The following GREM1 variants were observed in gnomAD, a reference collection of about 807,000 sequenced individuals.
GREM1 encodes the protein gremlin-1.
In GREM1, 6 loss-of-function variants were observed where a neutral mutation model predicts 13.1. That is an observed-to-expected ratio of 0.46 (90% confidence interval 0.25 to 0.91). The LOEUF is 0.91. Ranked by LOEUF, GREM1 falls within the 40% of genes least tolerant of loss-of-function variation. The pLI, the probability that GREM1 is intolerant of heterozygous loss-of-function variation, is 0.18. For missense variants in GREM1, 185 were observed against 233.9 expected, an observed-to-expected ratio of 0.79 and a Z score of 1.36; for synonymous variants, 98 against 93.7, an observed-to-expected ratio of 1.05 and a Z score of -0.27.
Position 32,741,969 on chromosome 15 carries a change from C to T in GREM1, c.*10724C>T, listed in dbSNP as rs2055765398. On this transcript the variant is annotated 3_prime_UTR_variant, in exon 2 of 2. Transcript: ENST00000651154. ...ATCCTTTATTCTGTTAATGGATTAT[C>T]ACATTAACTAATTTTCATATCTTGA... The T allele has an allele frequency of 6.6e-6, 1 of 152,084 alleles. No individual in the cohort carries two copies. The highest frequency in any genetic ancestry group is 1.5e-5 in the Non-Finnish European group (1 of 67,980). The allele number at this position is 152,084 out of a possible 1,614,324, so 9.4% of individuals were successfully genotyped here.
At chr15:32,721,415 A>G (rs1049418604) in intron 1 of GREM1, among the ~76,000 whole-genome samples, 3 of 152,200 alleles carry the variant, frequency 2.0e-5, no homozygotes, top group Non-Finnish European at 2.9e-5. Context: ...AAAAGTAGCA[A>G]TGTTATACAG....
In GREM1 at chr15:32,733,948, T is replaced by C. The variant is rs969923679; in HGVS notation, c.*2703T>C. ...ATCTGGAGGAGAGGATAATTTCCAC[T>C]GTGTGGAATGTGAATAGTTAAATGA... On this transcript the variant is annotated 3_prime_UTR_variant, in exon 2 of 2. Transcript: ENST00000651154. 4.2e-6 allele frequency: 1 copy of C among 240,850 alleles called. No individual in the cohort carries two copies. Among genetic ancestry groups the C allele is most frequent in the Non-Finnish European group, 8.8e-6 (1 of 113,598 alleles). The allele number at this position is 240,850 out of a possible 1,614,324, so 14.9% of individuals were successfully genotyped here.
Position 32,740,628 on chromosome 15 carries a change from T to C in GREM1, c.*9383T>C, listed in dbSNP as rs1338626642. 6.6e-6 allele frequency: 1 copy of C among 152,178 alleles called. No homozygotes were observed. Among genetic ancestry groups the C allele is most frequent in the South Asian group, 2.1e-4 (1 of 4,832 alleles). 9.4% of individuals were successfully genotyped at this position (152,178 alleles called of 1,614,324 possible). ...ATCAAGCTGAACAATATACTCATTA[T>C]TGGCATCACAGAATAAAAGAGAGAA... On this transcript the variant is annotated 3_prime_UTR_variant, in exon 2 of 2. Transcript: ENST00000651154.
chr15:32,725,021 T>A (rs143661834), intron 1 of GREM1, among the ~76,000 whole-genome samples: 69 of 143,818 alleles, frequency 4.8e-4, no homozygotes, highest in African/African-American at 1.7e-3. Flanking sequence ...CCACATTTGC[T>A]TTATCCAGTC....
In GREM1 at chr15:32,718,178, C is replaced by A. The variant is rs1292615947; in HGVS notation, c.-2+17C>A. 1.5e-6 allele frequency: 2 copies of A among 1,337,974 alleles called. No individual in the cohort carries two copies. The highest frequency in any genetic ancestry group is 2.0e-6 in the Non-Finnish European group (2 of 1,016,262). 82.9% of individuals were successfully genotyped at this position (1,337,974 alleles called of 1,614,324 possible). On this transcript the variant is annotated intron_variant, in intron 1 of 1. Coordinates refer to ENST00000651154, the MANE Select transcript of GREM1 (RefSeq NM_013372.7). Reference sequence around the variant, plus strand: ...CACTGACAGGTGAGCGCGGACGCACCCGGCAGGGATGTGAGTGGGCGGAGG... The same window carrying A: ...CACTGACAGGTGAGCGCGGACGCACACGGCAGGGATGTGAGTGGGCGGAGG...
intron 1 of GREM1, among the ~76,000 whole-genome samples, chr15:32,719,366 G>A (rs2055364937): frequency 6.6e-6 from 1 of 152,214 alleles, no homozygotes; most frequent in African/African-American, 2.4e-5. Flanking sequence ...CGGGCCAGGC[G>A]GGGAGGGACG....
intron 1 of GREM1, chr15:32,718,678 A>G: frequency 2.8e-6 from 1 of 357,840 alleles, no homozygotes; most frequent in South Asian, 2.1e-5. Flanking sequence ...AGAATCCATG[A>G]TGTGTGCATT....
intron 1 of GREM1, among the ~76,000 whole-genome samples, chr15:32,720,523 G>A (rs1325218113): frequency 6.6e-6 from 1 of 152,158 alleles, no homozygotes; most frequent in African/African-American, 2.4e-5. Flanking sequence ...AAAGGCAGGT[G>A]GGGGACAGTG....
rs1295631438 is a variant in GREM1, at chr15:32,736,649, A to G, written c.*5404A>G. ...GAAATCCGTGTACAACTATTAGATGACTACTAACCAAGCAGAGACTTCAGT... is the reference window on the plus strand; with the variant it reads ...GAAATCCGTGTACAACTATTAGATGGCTACTAACCAAGCAGAGACTTCAGT... On this transcript the variant is annotated 3_prime_UTR_variant, in exon 2 of 2. Coordinates refer to ENST00000651154, the MANE Select transcript of GREM1 (RefSeq NM_013372.7). 6.6e-6 allele frequency: 1 copy of G among 152,182 alleles called. No individual in the cohort carries two copies. The highest frequency in any genetic ancestry group is 1.5e-5 in the Non-Finnish European group (1 of 68,038). The allele number at this position is 152,182 out of a possible 1,614,324, so 9.4% of individuals were successfully genotyped here. A position where few individuals can be genotyped will look rare whatever the true frequency, so the allele number is the denominator to read the frequency against.
In GREM1 at chr15:32,735,921, T is replaced by A. The variant is rs1232896599; in HGVS notation, c.*4676T>A. 1 of 152,166 alleles carries A rather than the reference T, an allele frequency of 6.6e-6. No individual in the cohort carries two copies. 9.4% of individuals were successfully genotyped at this position (152,166 alleles called of 1,614,324 possible). A position where few individuals can be genotyped will look rare whatever the true frequency, so the allele number is the denominator to read the frequency against. On this transcript the variant is annotated 3_prime_UTR_variant, in exon 2 of 2. Coordinates refer to ENST00000651154, the MANE Select transcript of GREM1 (RefSeq NM_013372.7). ...TATAGCTCTGGAAATTAACTGAAGA[T>A]GTATAGCAATTTGCAGAGCATTTAT... is the stretch of plus-strand genomic sequence containing the variant.
At chr15:32,728,305 A>G (rs1210608808) in intron 1 of GREM1, among the ~76,000 whole-genome samples, 2 of 152,156 alleles carry the variant, frequency 1.3e-5, no homozygotes, top group Non-Finnish European at 2.9e-5. Flanking sequence ...AAGACAAAGT[A>G]AAGTAATTTT....
intron 1 of GREM1, 133 bp from the exon 2 acceptor site, chr15:32,730,557 T>C (rs2055597358): frequency 3.1e-6 from 2 of 645,022 alleles, no homozygotes; most frequent in Non-Finnish European, 5.3e-6. Flanking sequence ...ATACAGGTAC[T>C]GTGAGAAGTA....
At chr15:32,720,923 A>G (rs1028112915) in intron 1 of GREM1, among the ~76,000 whole-genome samples, 8 of 152,120 alleles carry the variant, frequency 5.3e-5, no homozygotes, top group Non-Finnish European at 1.2e-4. Context: ...TTGGGAGGCC[A>G]AGGAGGACGG....
In GREM1 at chr15:32,733,959, T is replaced by C; in HGVS notation, c.*2714T>C. ...AGGATAATTTCCACTGTGTGGAATG[T>C]GAATAGTTAAATGAAAAGTTATGGT... On this transcript the variant is annotated 3_prime_UTR_variant, in exon 2 of 2. Coordinates refer to ENST00000651154, the MANE Select transcript of GREM1 (RefSeq NM_013372.7). 1 of 241,310 alleles carries C rather than the reference T, an allele frequency of 4.1e-6. No individual in the cohort carries two copies. Among genetic ancestry groups the C allele is most frequent in the East Asian group, 6.4e-5 (1 of 15,596 alleles). The allele number at this position is 241,310 out of a possible 1,614,324, so 14.9% of individuals were successfully genotyped here.
intron 1 of GREM1, among the ~76,000 whole-genome samples, chr15:32,727,622 T>C (rs2055536218): frequency 6.6e-6 from 1 of 152,124 alleles, no homozygotes; most frequent in Admixed American, 6.5e-5. Context: ...TTCAACATAC[T>C]ATTGGAAGTT....
chr15:32,734,832 T>C lies in GREM1; in HGVS notation c.*3587T>C, dbSNP rs1424733462. ...CCTTTCAGACCCTGCTTGATTTCCGTAGGACACTTCAGGTTGTGGCAAGGG... is the reference window on the plus strand; with the variant it reads ...CCTTTCAGACCCTGCTTGATTTCCGCAGGACACTTCAGGTTGTGGCAAGGG... On this transcript the variant is annotated 3_prime_UTR_variant, in exon 2 of 2. Transcript: ENST00000651154. 5.5e-6 allele frequency: 1 copy of C among 180,334 alleles called. No homozygotes were observed. The highest frequency in any genetic ancestry group is 2.4e-5 in the African/African-American group (1 of 42,396). 11.2% of individuals were successfully genotyped at this position (180,334 alleles called of 1,614,324 possible). A position where few individuals can be genotyped will look rare whatever the true frequency, so the allele number is the denominator to read the frequency against.
rs1000651642 is a variant in GREM1 at position 32,735,400 on chromosome 15, C to T, written c.*4155C>T. The stretch of plus-strand genomic sequence containing the variant: ...AGGTACCATTATCACTGCTAGAAAG[C>T]AGTGAACTTATATGGTCTTACTGTG... On this transcript the variant is annotated 3_prime_UTR_variant, in exon 2 of 2. Coordinates refer to ENST00000651154, the MANE Select transcript of GREM1 (RefSeq NM_013372.7). The T allele has an allele frequency of 6.6e-6, 1 of 152,162 alleles. No homozygotes were observed. Among genetic ancestry groups the T allele is most frequent in the Non-Finnish European group, 1.5e-5 (1 of 68,022 alleles). 9.4% of individuals were successfully genotyped at this position (152,162 alleles called of 1,614,324 possible).
chr15:32,735,506 A>G lies in GREM1; in HGVS notation c.*4261A>G, dbSNP rs1372372668. ...TTTTAAGAACATAACACAGCACTCT[A>G]AAAATAGATCTAACTAGATTGTTCA... is the stretch of plus-strand genomic sequence containing the variant. On this transcript the variant is annotated 3_prime_UTR_variant, in exon 2 of 2. Coordinates refer to ENST00000651154, the MANE Select transcript of GREM1 (RefSeq NM_013372.7). 1 of 152,200 alleles carries G rather than the reference A, an allele frequency of 6.6e-6. No individual in the cohort carries two copies. The highest frequency in any genetic ancestry group is 2.4e-5 in the African/African-American group (1 of 41,446). 9.4% of individuals were successfully genotyped at this position (152,200 alleles called of 1,614,324 possible). A position where few individuals can be genotyped will look rare whatever the true frequency, so the allele number is the denominator to read the frequency against.
rs2055324737 is a variant in GREM1 at position 32,718,081 on chromosome 15, G to C, written c.-82G>C. 8.2e-7 allele frequency: 1 copy of C among 1,216,770 alleles called. No individual in the cohort carries two copies. Among genetic ancestry groups the C allele is most frequent in the Admixed American group, 4.0e-5 (1 of 24,964 alleles). 75.4% of individuals were successfully genotyped at this position (1,216,770 alleles called of 1,614,324 possible). A position where few individuals can be genotyped will look rare whatever the true frequency, so the allele number is the denominator to read the frequency against. On this transcript the variant is annotated 5_prime_UTR_variant, in exon 1 of 2. Coordinates refer to ENST00000651154, the MANE Select transcript of GREM1 (RefSeq NM_013372.7). ...CTCTCGGTCCCGCTGACCCCGCGCC[G>C]AGCCCCGGCGGCTCTGGCCGCGGCC...
Sources: gnomAD v4.1 joint callset for allele counts (sites outside exome capture counted in the v4.1 genomes callset) on GRCh38, gnomAD v4.1.1 for gene constraint, MANE v1.5 for transcripts, NCBI Gene and HGNC (gene_info 2026-07-23, HGNC 2026-07-21) for gene names.